MAGI2: variants seen among roughly 807,000 people sequenced by gnomAD.
The protein encoded by MAGI2 is membrane associated guanylate kinase, WW and PDZ domain containing 2, also known as membrane-associated guanylate kinase, WW and PDZ domain-containing protein 2.
In MAGI2, 35 loss-of-function variants were observed where a neutral mutation model predicts 133.3. That is an observed-to-expected ratio of 0.26 (90% CI 0.20 to 0.35). The LOEUF is 0.35. Among genes scored for constraint, MAGI2 ranks in the 10% least tolerant of loss-of-function variants. The pLI, the probability that MAGI2 is intolerant of heterozygous loss-of-function variation, is 1.00. For missense variants in MAGI2, 1,636 were observed against 1,863.4 expected (o/e 0.88, Z 2.25); for synonymous variants, 729 against 710.6 (o/e 1.03, Z -0.41).
chr7:79,259,599 T>C (rs1172649699), intron 1 of MAGI2, among the ~76,000 whole-genome samples: 1 of 152,216 alleles, frequency 6.6e-6, no homozygotes, highest in Non-Finnish European at 1.5e-5. Flanking sequence ...TCTTAGGTGA[T>C]ATTTAGTACC....
intron 2 of MAGI2, among the ~76,000 whole-genome samples, chr7:78,709,100 T>C (rs1449206103): frequency 6.6e-6 from 1 of 152,154 alleles, no homozygotes; most frequent in East Asian, 1.9e-4. Flanking sequence ...AATTGATCTA[T>C]AGAAAACATA....
intron 1 of MAGI2, among the ~76,000 whole-genome samples, chr7:79,008,570 A>G (rs1314845391): frequency 6.6e-6 from 1 of 152,156 alleles, no homozygotes; most frequent in Non-Finnish European, 1.5e-5. Flanking sequence ...TTTCCACCCA[A>G]TATAATATGA....
In MAGI2 at chr7:78,507,216, A is replaced by G. The variant is rs149720620; in HGVS notation, c.755-5429T>C. ...TTAACAAAATAAGACAAAAAAAATG[A>G]ATAAGGCAAATAAAGATCCATAACA... On this transcript the variant is annotated intron_variant, in intron 4 of 21. Transcript: ENST00000354212. Among the ~76,000 whole-genome samples the G allele has an allele frequency of 9.5e-4, 145 of 152,258 alleles. 2 individuals are homozygous for G. The highest frequency in any genetic ancestry group is 3.3e-3 in the African/African-American group (136 of 41,558).
chr7:79,113,852 A>G (rs544494980), intron 1 of MAGI2, among the ~76,000 whole-genome samples: 11 of 151,420 alleles, frequency 7.3e-5, no homozygotes, highest in African/African-American at 2.2e-4. Flanking sequence ...TTCAACCTTC[A>G]TTCATCAGGG....
At chr7:78,209,502 C>T (rs1439405627) in intron 10 of MAGI2, among the ~76,000 whole-genome samples, 1 of 151,804 alleles carries the variant, frequency 6.6e-6, no homozygotes, top group Non-Finnish European at 1.5e-5. Flanking sequence ...ACCTCATGAT[C>T]TGCCCACCAT....
At chr7:79,237,016 G>T (rs776024095) in intron 1 of MAGI2, among the ~76,000 whole-genome samples, 17 of 152,146 alleles carry the variant, frequency 1.1e-4, no homozygotes, top group South Asian at 2.1e-4. Context: ...CTGCACTCCA[G>T]CCTGTATGAC....
At chr7:79,341,496 G>C (rs78118415) in intron 1 of MAGI2, among the ~76,000 whole-genome samples, 1,648 of 152,158 alleles carry the variant, frequency 0.011, 34 homozygotes, top group African/African-American at 0.038. Context: ...AGAACAATTT[G>C]GTTAATATCT....
chr7:79,054,433 T>C (rs886116040), intron 1 of MAGI2, among the ~76,000 whole-genome samples: 3 of 152,180 alleles, frequency 2.0e-5, no homozygotes, highest in African/African-American at 7.2e-5. Context: ...TCCTGACTTA[T>C]TCATCACTGT....
intron 1 of MAGI2, among the ~76,000 whole-genome samples, chr7:79,213,028 T>C (rs967263835): frequency 6.6e-6 from 1 of 151,880 alleles, no homozygotes; most frequent in Non-Finnish European, 1.5e-5. Context: ...GTTACCTGGA[T>C]TGCTTTGATG....
Position 78,256,028 on chromosome 7 carries a change from T to C in MAGI2, c.1962A>G (p.Val654=). 6.2e-7 allele frequency: 1 copy of C among 1,613,700 alleles called. No homozygotes were observed. The highest frequency in any genetic ancestry group is 8.5e-7 in the Non-Finnish European group (1 of 1,179,856). The stretch of plus-strand genomic sequence containing the variant: ...CTACTTCTGTATGGCTCAGGTTCTG[T>C]ACATTCTGCTGGTTGATCTCAACAA... ...DLIVEINQQN[V]QNLSHTEVVD... Residue 654 remains valine, a synonymous_variant, in exon 10 of 22, where the codon GTA becomes GTG. Coordinates refer to ENST00000354212, the MANE Select transcript of MAGI2 (RefSeq NM_012301.4).
intron 20 of MAGI2, among the ~76,000 whole-genome samples, chr7:78,112,530 A>G (rs1009077877): frequency 6.6e-6 from 1 of 152,258 alleles, no homozygotes; most frequent in Non-Finnish European, 1.5e-5. Flanking sequence ...GAATTGCCAC[A>G]TATATTCATA....
At chr7:78,446,567 CAATT>C (rs1407298055) in intron 6 of MAGI2, among the ~76,000 whole-genome samples, 1 of 152,004 alleles carries the variant, frequency 6.6e-6, no homozygotes, top group Non-Finnish European at 1.5e-5. Flanking sequence ...CATAAAGTAT[CAATT>C]AAAGGAACTC....
intron 2 of MAGI2, among the ~76,000 whole-genome samples, chr7:78,942,061 C>A (rs926540357): frequency 6.6e-6 from 1 of 152,010 alleles, no homozygotes; most frequent in Non-Finnish European, 1.5e-5. Flanking sequence ...GATCAATATA[C>A]CATATGTTGG....
At chr7:79,302,030 C>G (rs1358988106) in intron 1 of MAGI2, among the ~76,000 whole-genome samples, 2 of 152,166 alleles carry the variant, frequency 1.3e-5, no homozygotes, top group Non-Finnish European at 2.9e-5. Flanking sequence ...AGAGATGCTG[C>G]TATGCTTTCT....
At chr7:79,189,815 C>A (rs1176165169) in intron 1 of MAGI2, among the ~76,000 whole-genome samples, 1 of 151,672 alleles carries the variant, frequency 6.6e-6, no homozygotes, top group Non-Finnish European at 1.5e-5. Context: ...AACCATGGAT[C>A]TTTTTACTGT....
At chr7:78,290,818 A>T (rs1367138760) in intron 9 of MAGI2, among the ~76,000 whole-genome samples, 1 of 152,198 alleles carries the variant, frequency 6.6e-6, no homozygotes, top group African/African-American at 2.4e-5. Context: ...ATGGAAACTG[A>T]ACAGCTCCTG....
At chr7:78,616,475 T>C (rs1010018610) in intron 3 of MAGI2, 1 of 152,114 alleles carries the variant, frequency 6.6e-6, no homozygotes, top group Non-Finnish European at 1.5e-5. Context: ...AGGTATAGTT[T>C]TGTTGACCAA....
chr7:78,561,063 A>G (rs760147229), intron 3 of MAGI2, among the ~76,000 whole-genome samples: 1 of 152,230 alleles, frequency 6.6e-6, no homozygotes, highest in Non-Finnish European at 1.5e-5. Flanking sequence ...ACAGAGGTGT[A>G]GCAAAAACTT....
intron 2 of MAGI2, among the ~76,000 whole-genome samples, chr7:78,883,949 AG>A: frequency 6.6e-6 from 1 of 152,350 alleles, no homozygotes; most frequent in African/African-American, 2.4e-5. Context: ...GCCTTGGCAA[AG>A]AATTTATGAC....
Sources: gnomAD v4.1 joint callset for allele counts (sites outside exome capture counted in the v4.1 genomes callset) on GRCh38, gnomAD v4.1.1 for gene constraint, MANE v1.5 for transcripts, NCBI Gene and HGNC (gene_info 2026-07-23, HGNC 2026-07-21) for gene names.